FILIP1L: variants seen among roughly 807,000 people sequenced by gnomAD.
FILIP1L encodes the protein filamin A-interacting protein 1-like.
Under a neutral mutation model 96.6 loss-of-function variants are expected in FILIP1L, and 55 were observed. The observed-to-expected ratio is 0.57, with a 90% CI of 0.46 to 0.71. FILIP1L has a LOEUF of 0.71. Ranked by LOEUF, FILIP1L falls within the 30% of genes least tolerant of loss-of-function variation. The pLI, the probability that FILIP1L is intolerant of heterozygous loss-of-function variation, is 0.00. For missense variants in FILIP1L, 1,304 were observed against 1,321.2 expected (o/e 0.99, Z 0.20); for synonymous variants, 467 against 473.9 (o/e 0.99, Z 0.19).
At chr3:100,017,637 G>A (rs1710382270) in intron 1 of FILIP1L, among the ~76,000 whole-genome samples, 1 of 152,170 alleles carries the variant, frequency 6.6e-6, no homozygotes, top group Non-Finnish European at 1.5e-5. Context: ...GACATGTAAA[G>A]TTGTGAGCCA....
chr3:100,010,802 AT>A (rs1710130321), intron 1 of FILIP1L, among the ~76,000 whole-genome samples: 1 of 59,406 alleles, frequency 1.7e-5, no homozygotes, highest in Admixed American at 1.8e-4. Context: ...TTTTTTTTGT[AT>A]TTTTAGTAGA....
intron 1 of FILIP1L, among the ~76,000 whole-genome samples, chr3:100,111,977 T>G (rs991309380): frequency 6.6e-5 from 10 of 152,216 alleles, no homozygotes; most frequent in African/African-American, 2.4e-4. Context: ...TCAGGGCATC[T>G]GGAGACCATG....
intron 4 of FILIP1L, among the ~76,000 whole-genome samples, chr3:99,881,909 G>A (rs1296739059): frequency 6.6e-6 from 1 of 152,118 alleles, no homozygotes; most frequent in Non-Finnish European, 1.5e-5. Flanking sequence ...CTTGATTTCA[G>A]GGTAAGTATT....
At chr3:100,108,619 T>G (rs2066433448) in intron 1 of FILIP1L, among the ~76,000 whole-genome samples, 1 of 152,194 alleles carries the variant, frequency 6.6e-6, no homozygotes, top group Admixed American at 6.5e-5. Context: ...TGTATTCTAG[T>G]GGTTGGGCAT....
chr3:100,058,155 C>A (rs977083219), intron 1 of FILIP1L, among the ~76,000 whole-genome samples: 6 of 152,192 alleles, frequency 3.9e-5, no homozygotes, highest in African/African-American at 1.4e-4. Context: ...CTGGCAGAAC[C>A]AAGACTGAGA....
At chr3:100,066,752 C>T (rs2065672055) in intron 1 of FILIP1L, among the ~76,000 whole-genome samples, 1 of 94,684 alleles carries the variant, frequency 1.1e-5, no homozygotes, top group African/African-American at 3.5e-5. Context: ...GGGATGGTCT[C>T]GATCTCCTGA....
chr3:100,040,841 C>CT (rs111369836), intron 1 of FILIP1L: 2 of 152,166 alleles, frequency 1.3e-5, no homozygotes, highest in African/African-American at 2.4e-5. Context: ...AAGGGAGAAA[C>CT]TTTGTCAGTG....
intron 1 of FILIP1L, among the ~76,000 whole-genome samples, chr3:100,059,838 G>T (rs1375290801): frequency 6.6e-6 from 1 of 152,098 alleles, no homozygotes; most frequent in East Asian, 1.9e-4. Flanking sequence ...AAAAACTCTG[G>T]CAACTAATTC....
intron 1 of FILIP1L, among the ~76,000 whole-genome samples, chr3:100,004,986 A>G (rs1333011503): frequency 6.6e-6 from 1 of 152,182 alleles, no homozygotes. Flanking sequence ...TTTGCTTGCA[A>G]TTTGAGAAAT....
intron 1 of FILIP1L, among the ~76,000 whole-genome samples, chr3:99,948,913 G>A (rs903796438): frequency 6.6e-6 from 1 of 152,122 alleles, no homozygotes; most frequent in Non-Finnish European, 1.5e-5. Context: ...ATTGTAAACT[G>A]CACACTGTAA....
chr3:99,891,283 G>A (rs1054225615), intron 4 of FILIP1L, among the ~76,000 whole-genome samples: 4 of 152,026 alleles, frequency 2.6e-5, no homozygotes, highest in Non-Finnish European at 4.4e-5. Context: ...TGACAGTTTA[G>A]CTCTTTGAAA....
intron 1 of FILIP1L, among the ~76,000 whole-genome samples, chr3:100,036,243 T>TAAGA (rs1372355493): frequency 2.6e-5 from 4 of 152,180 alleles, no homozygotes; most frequent in African/African-American, 4.8e-5. Flanking sequence ...ATAAAGCTTC[T>TAAGA]ACATCTCATT....
At chr3:100,074,193 T>A (rs1050756053) in intron 1 of FILIP1L, among the ~76,000 whole-genome samples, 1 of 152,176 alleles carries the variant, frequency 6.6e-6, no homozygotes, top group Non-Finnish European at 1.5e-5. Flanking sequence ...TATCCTGCAG[T>A]GGAGTCCGAG....
At chr3:99,959,061 GA>G (rs1333807406) in intron 1 of FILIP1L, among the ~76,000 whole-genome samples, 1 of 152,136 alleles carries the variant, frequency 6.6e-6, no homozygotes, top group Non-Finnish European at 1.5e-5. Flanking sequence ...AAATGTAACA[GA>G]ATTTGAAAAC....
At chr3:99,931,278 G>GTTA (rs775745225) in intron 1 of FILIP1L, among the ~76,000 whole-genome samples, 2 of 152,020 alleles carry the variant, frequency 1.3e-5, no homozygotes, top group Non-Finnish European at 2.9e-5. Flanking sequence ...TATGTCCATG[G>GTTA]GTAAACAGGC....
intron 1 of FILIP1L, among the ~76,000 whole-genome samples, chr3:100,100,740 G>A (rs2066289305): frequency 6.6e-6 from 1 of 152,196 alleles, no homozygotes; most frequent in African/African-American, 2.4e-5. Flanking sequence ...ATGAGAAATA[G>A]CATCACTAAG....
chr3:100,045,900 G>A (rs1276478905), intron 1 of FILIP1L, among the ~76,000 whole-genome samples: 4 of 152,024 alleles, frequency 2.6e-5, no homozygotes, highest in Non-Finnish European at 5.9e-5. Flanking sequence ...TCCTTTCTGC[G>A]CAGGGATGAG....
chr3:100,077,235 T>G (rs1421954523), intron 1 of FILIP1L, among the ~76,000 whole-genome samples: 1 of 152,218 alleles, frequency 6.6e-6, no homozygotes, highest in Admixed American at 6.5e-5. Flanking sequence ...CACACCATCA[T>G]GCAGAAACTC....
At chr3:99,929,807 G>C in intron 3 of FILIP1L, 49 bp downstream of exon 3, 2 of 1,394,846 alleles carry the variant, frequency 1.4e-6, no homozygotes, top group South Asian at 1.4e-5. Flanking sequence ...CATCTGCAGG[G>C]CTAGTGCTTG....
Sources: gnomAD v4.1 joint callset for allele counts (sites outside exome capture counted in the v4.1 genomes callset) on GRCh38, gnomAD v4.1.1 for gene constraint, MANE v1.5 for transcripts, NCBI Gene and HGNC (gene_info 2026-07-23, HGNC 2026-07-21) for gene names.